DISC1: variants seen among roughly 807,000 people sequenced by gnomAD.
DISC1 encodes disrupted in schizophrenia 1 protein.
DISC1 carries 57 observed loss-of-function variants against 84.5 expected under a neutral mutation model. The observed-to-expected ratio is 0.67, with a 90% CI of 0.55 to 0.84. The LOEUF (loss-of-function observed/expected upper bound fraction) is 0.84, where lower values mean the gene tolerates loss of function less well. DISC1 is among the 40% of genes least tolerant of loss of function. The pLI, the probability that DISC1 is intolerant of heterozygous loss-of-function variation, is 0.00. For missense variants in DISC1, 1,000 were observed against 1,057.8 expected (o/e 0.95, Z 0.76); for synonymous variants, 411 against 415.2 (o/e 0.99, Z 0.12).
intron 1 of DISC1, among the ~76,000 whole-genome samples, chr1:231,664,634 C>T (rs2061851560): frequency 6.6e-6 from 1 of 152,120 alleles, no homozygotes. Context: ...CCAAGGAATT[C>T]ACTGACACCT....
chr1:231,844,926 C>CAAAAAAAAAA (rs1175955587), intron 9 of DISC1, among the ~76,000 whole-genome samples: 2 of 68,796 alleles, frequency 2.9e-5, no homozygotes, highest in Admixed American at 1.5e-4. Context: ...GACTCTGACT[C>CAAAAAAAAAA]AAAAAAAAAA....
intron 9 of DISC1, among the ~76,000 whole-genome samples, chr1:231,877,944 A>C (rs950297572): frequency 2.6e-5 from 4 of 152,244 alleles, no homozygotes; most frequent in African/African-American, 9.6e-5. Flanking sequence ...ATCTCAATTC[A>C]TATTCACTGA....
chr1:231,906,957 GCTTT>G (rs979414213), intron 9 of DISC1, among the ~76,000 whole-genome samples: 12 of 144,304 alleles, frequency 8.3e-5, no homozygotes, highest in East Asian at 2.1e-4. Context: ...TTCTTTCTTT[GCTTT>G]CTTTCTTTCT....
chr1:231,913,534 G>T (rs573983460), intron 9 of DISC1, among the ~76,000 whole-genome samples: 1 of 152,172 alleles, frequency 6.6e-6, no homozygotes, highest in Non-Finnish European at 1.5e-5. Context: ...CACCATTTAA[G>T]CAGGCGTCAC....
intron 8 of DISC1, among the ~76,000 whole-genome samples, chr1:231,814,348 TA>T (rs1255225681): frequency 6.6e-6 from 1 of 152,224 alleles, no homozygotes; most frequent in Non-Finnish European, 1.5e-5. Context: ...CCCATTATTT[TA>T]TACATTGCAA....
intron 8 of DISC1, among the ~76,000 whole-genome samples, chr1:231,812,892 A>G (rs567743894): frequency 2.0e-5 from 3 of 152,322 alleles, no homozygotes; most frequent in South Asian, 2.1e-4. Flanking sequence ...AAATGCCTAT[A>G]AAGTATTGAT....
At chr1:232,003,804 A>T (rs903122225) in intron 10 of DISC1, among the ~76,000 whole-genome samples, 3 of 151,994 alleles carry the variant, frequency 2.0e-5, no homozygotes, top group Non-Finnish European at 4.4e-5. Flanking sequence ...TTAGAAACGA[A>T]AAAACATATC....
intron 8 of DISC1, among the ~76,000 whole-genome samples, chr1:231,805,245 C>A (rs1307855024): frequency 6.6e-6 from 1 of 152,110 alleles, no homozygotes; most frequent in East Asian, 1.9e-4. Flanking sequence ...AAGCCGATAG[C>A]AAAAGTGGAT....
At chr1:231,901,989 G>T (rs997157625) in intron 9 of DISC1, among the ~76,000 whole-genome samples, 1 of 152,016 alleles carries the variant, frequency 6.6e-6, no homozygotes, top group Admixed American at 6.6e-5. Context: ...CACGTTTCAT[G>T]GGATACCAGT....
intron 3 of DISC1, among the ~76,000 whole-genome samples, chr1:231,705,827 C>G (rs370200650): frequency 5.9e-5 from 9 of 152,224 alleles, no homozygotes; most frequent in African/African-American, 1.7e-4. Context: ...TTAGGAGCAG[C>G]TGTGCAGCCC....
intron 3 of DISC1, chr1:231,702,682 A>T: frequency 1.2e-6 from 1 of 866,154 alleles, no homozygotes; most frequent in Non-Finnish European, 1.4e-6. Context: ...TGAGGCACCA[A>T]AATAGAAGTT....
intron 11 of DISC1, among the ~76,000 whole-genome samples, chr1:232,024,459 T>C (rs183332360): frequency 3.0e-4 from 45 of 152,362 alleles, no homozygotes; most frequent in African/African-American, 1.0e-3. Flanking sequence ...TATTATATAA[T>C]GCATAATCTC....
intron 8 of DISC1, 125 bp downstream of exon 8, chr1:231,800,335 T>C: frequency 1.2e-6 from 1 of 836,520 alleles, no homozygotes; most frequent in Admixed American, 2.0e-5. Flanking sequence ...TCTGAAAGCT[T>C]TTCTGGGAAG....
chr1:231,695,940 G>A (rs2065635904), intron 2 of DISC1, among the ~76,000 whole-genome samples: 2 of 152,182 alleles, frequency 1.3e-5, no homozygotes, highest in Admixed American at 1.3e-4. Flanking sequence ...CAGAGAGGGA[G>A]TGAGGTCAGA....
intron 9 of DISC1, among the ~76,000 whole-genome samples, chr1:231,924,795 T>G (rs899711684): frequency 6.6e-6 from 1 of 151,954 alleles, no homozygotes. Flanking sequence ...TAGCTGGGAT[T>G]ACAGGCGCCT....
intron 9 of DISC1, among the ~76,000 whole-genome samples, chr1:231,863,670 G>T (rs2084844729): frequency 1.3e-5 from 2 of 152,184 alleles, no homozygotes; most frequent in African/African-American, 4.8e-5. Flanking sequence ...GGGACAGATT[G>T]CAACTTCTTT....
In DISC1 at chr1:231,749,991, C is replaced by T; in HGVS notation, c.1183C>T (p.Pro395Ser). 1 of 1,614,240 alleles carries T rather than the reference C, an allele frequency of 6.2e-7. No individual in the cohort carries two copies. Among genetic ancestry groups the T allele is most frequent in the Non-Finnish European group, 8.5e-7 (1 of 1,180,040 alleles). ...QEKISLHFQLPSRQPALSSFL... is the reference protein window; with the variant it reads ...QEKISLHFQLSSRQPALSSFL... ...GAAAATCAGCCTGCACTTTCAACTT[C>T]CTTCAAGGCAGCCAGCTCTTAGCAG... Residue 395 changes from proline (P) to serine (S), a missense_variant, in exon 4 of 13, where the codon CCT becomes TCT. This residue lies in a region of DISC1 where 311 missense variants were observed against 400.1 expected (regional missense o/e 0.78). Coordinates refer to ENST00000439617, the MANE Select transcript of DISC1 (RefSeq NM_018662.3).
intron 11 of DISC1, among the ~76,000 whole-genome samples, chr1:232,021,676 G>A (rs138211492): frequency 6.6e-6 from 1 of 152,296 alleles, no homozygotes; most frequent in East Asian, 1.9e-4. Context: ...GTTCTGTGTA[G>A]GGACAACCCA....
At chr1:231,867,500 C>T (rs951886890) in intron 9 of DISC1, among the ~76,000 whole-genome samples, 3 of 152,148 alleles carry the variant, frequency 2.0e-5, no homozygotes, top group African/African-American at 7.2e-5. Flanking sequence ...GCAGAGAGCG[C>T]CTGTTCCAGC....
Sources: gnomAD v4.1 joint callset for allele counts (sites outside exome capture counted in the v4.1 genomes callset) on GRCh38, gnomAD v4.1.1 for gene constraint, gnomAD v4.1.1 regional missense constraint, MANE v1.5 for transcripts, NCBI Gene and HGNC (gene_info 2026-07-23, HGNC 2026-07-21) for gene names.